The following UCN3 variants were observed in gnomAD, a reference collection of about 807,000 sequenced individuals.
The protein encoded by UCN3 is urocortin 3, also known as urocortin-3.
UCN3 carries 3 observed loss-of-function variants against 3.6 expected under a neutral mutation model. The observed-to-expected ratio is 0.83, with a 90% confidence interval of 0.38 to 2.15. The LOEUF (loss-of-function observed/expected upper bound fraction) is 2.15. UCN3 is among the 30% of genes most tolerant of loss of function. UCN3 has a pLI of 0.06. For synonymous variants in UCN3, 100 were observed against 93.2 expected, an observed-to-expected ratio of 1.07 and a Z score of -0.42; for missense variants, 206 against 208.3, an observed-to-expected ratio of 0.99 and a Z score of 0.07.
At chr10:5,370,812 T>TGTGC (rs1831398721) in intron 1 of UCN3, among the ~76,000 whole-genome samples, 2 of 116,334 alleles carry the variant, frequency 1.7e-5, no homozygotes, top group Admixed American at 9.6e-5. Flanking sequence ...TATGTGTGTG[T>TGTGC]GCGTGTGTGT....
At chr10:5,368,061 T>C (rs1306972805) in intron 1 of UCN3, among the ~76,000 whole-genome samples, 2 of 152,100 alleles carry the variant, frequency 1.3e-5, no homozygotes, top group East Asian at 3.9e-4. Context: ...TGGAGTGCAG[T>C]AGCATGATCT....
chr10:5,367,078 T>C lies in UCN3; in HGVS notation c.-7+1848T>C, dbSNP rs1236628637. ...CCCCAAAAATGTGAAAAAGTAAATATAGAGGTAAAAGGGATCTCACTCCCT... is the reference window on the plus strand; with the variant it reads ...CCCCAAAAATGTGAAAAAGTAAATACAGAGGTAAAAGGGATCTCACTCCCT... On this transcript the variant is annotated intron_variant, in intron 1 of 1. Transcript: ENST00000380433. This position sits in a 1 kb window ranked among gnomAD's most constrained non-coding sequence, Gnocchi z 4.3. Among the ~76,000 whole-genome samples, 11 of 152,160 alleles carry C rather than the reference T, an allele frequency of 7.2e-5. No individual in the cohort carries two copies. Among genetic ancestry groups the C allele is most frequent in the African/African-American group, 2.7e-4 (11 of 41,432 alleles).
Position 5,365,151 on chromosome 10 carries a change from G to C in UCN3, c.-86G>C, listed in dbSNP as rs1834103854. On this transcript the variant is annotated 5_prime_UTR_variant, in exon 1 of 2. Transcript: ENST00000380433. This position sits in a 1 kb window ranked among gnomAD's most constrained non-coding sequence, Gnocchi z 4.4. ...GGAGCAGCCACAAGTTCATGGGGACGTGCACGGGGCCGCCCTCCTGGCCCT... is the reference window on the plus strand; with the variant it reads ...GGAGCAGCCACAAGTTCATGGGGACCTGCACGGGGCCGCCCTCCTGGCCCT... 1 of 152,348 alleles carries C rather than the reference G, an allele frequency of 6.6e-6. No homozygotes were observed. The highest frequency in any genetic ancestry group is 1.5e-5 in the Non-Finnish European group (1 of 68,142). 9.4% of individuals were successfully genotyped at this position (152,348 alleles called of 1,614,324 possible).
At chr10:5,370,816 T>C (rs531792432) in intron 1 of UCN3, among the ~76,000 whole-genome samples, 2,022 of 101,552 alleles carry the variant, frequency 0.02, 307 homozygotes, top group African/African-American at 0.075. Flanking sequence ...TGTGTGTGCG[T>C]GTGTGTGCGC....
chr10:5,368,615 C>G (rs12358893), intron 1 of UCN3, among the ~76,000 whole-genome samples: 30,255 of 152,072 alleles, frequency 0.2, 3,502 homozygotes, highest in South Asian at 0.32. Flanking sequence ...CCACTTTCCC[C>G]CCAGTATTAA....
In UCN3 at chr10:5,370,903, A is replaced by G. The variant is rs200639261; in HGVS notation, c.-6-2812A>G. On this transcript the variant is annotated intron_variant, in intron 1 of 1. Coordinates refer to ENST00000380433, the MANE Select transcript of UCN3 (RefSeq NM_053049.4). Reference sequence around the variant, plus strand: ...TATATGCGTGTGTATATGCGTGTGTATATGCGTGTGTATATGCGTGTGTAT... The same window carrying G: ...TATATGCGTGTGTATATGCGTGTGTGTATGCGTGTGTATATGCGTGTGTAT... 5.2e-5 allele frequency among the ~76,000 whole-genome samples: 7 copies of G among 134,768 alleles called. 1 individual carries two copies. Among genetic ancestry groups the G allele is most frequent in the African/African-American group, 8.8e-5 (3 of 34,280 alleles). The allele number at this position is 134,768 out of a possible 152,430, so 88.4% of individuals were successfully genotyped here. A position where few individuals can be genotyped will look rare whatever the true frequency, so the allele number is the denominator to read the frequency against.
Position 5,369,929 on chromosome 10 carries a change from G to GTGTATA in UCN3, c.-6-3783_-6-3782insATATGT, listed in dbSNP as rs1564442104. ...TGTGTGTGTATATGTGTGTGTATGT[G>GTGTATA]TGTGTGTGTATGTGTGTGTATATGT... On this transcript the variant is annotated intron_variant, in intron 1 of 1. Coordinates refer to ENST00000380433, the MANE Select transcript of UCN3 (RefSeq NM_053049.4). Among the ~76,000 whole-genome samples, 9 of 87,956 alleles carry GTGTATA rather than the reference G, an allele frequency of 1.0e-4. 1 individual carries two copies. The highest frequency in any genetic ancestry group is 1.5e-4 in the Non-Finnish European group (6 of 40,804). The allele number at this position is 87,956 out of a possible 152,430, so 57.7% of individuals were successfully genotyped here.
chr10:5,370,910 TGTGTATATGC>T (rs1477887530), intron 1 of UCN3, among the ~76,000 whole-genome samples: 4 of 146,972 alleles, frequency 2.7e-5, no homozygotes, highest in African/African-American at 7.7e-5. Context: ...TGTATATGCG[TGTGTATATGC>T]GTGTGTATAT....
Position 5,366,719 on chromosome 10 carries a change from C to G in UCN3, c.-7+1489C>G, listed in dbSNP as rs1043883002. On this transcript the variant is annotated intron_variant, in intron 1 of 1. Transcript: ENST00000380433. The surrounding 1 kb of genome is among the most constrained non-coding windows in gnomAD (Gnocchi z 4.2). Reference sequence around the variant, plus strand: ...AACGATCTAAAACTAAGCTCAGCACCGGGCGTCCCTATCATGTCCAATTCA... The same window carrying G: ...AACGATCTAAAACTAAGCTCAGCACGGGGCGTCCCTATCATGTCCAATTCA... Among the ~76,000 whole-genome samples the G allele has an allele frequency of 1.3e-5, 2 of 152,166 alleles. No homozygotes were observed. Among genetic ancestry groups the G allele is most frequent in the African/African-American group, 2.4e-5 (1 of 41,438 alleles).
intron 1 of UCN3, among the ~76,000 whole-genome samples, chr10:5,372,355 C>T (rs80038202): frequency 0.016 from 2,433 of 152,208 alleles, 50 homozygotes; most frequent in East Asian, 0.088. Context: ...AGGAGCCCGG[C>T]GGGAGGGTGC....
intron 1 of UCN3, among the ~76,000 whole-genome samples, chr10:5,370,497 GTA>G (rs781846241): frequency 4.3e-5 from 5 of 115,664 alleles, no homozygotes; most frequent in Non-Finnish European, 5.4e-5. Context: ...GTATGTGTGT[GTA>G]TATGCGTGTG....
rs1554811071 is a variant in UCN3 at position 5,370,005 on chromosome 10, GTA to G, written c.-6-3708_-6-3707del. Among the ~76,000 whole-genome samples the G allele has an allele frequency of 9.8e-4, 31 of 31,642 alleles. 2 individuals are homozygous for G. Among genetic ancestry groups the G allele is most frequent in the Non-Finnish European group, 1.8e-3 (28 of 15,978 alleles). 20.8% of individuals were successfully genotyped at this position (31,642 alleles called of 152,430 possible). A position where few individuals can be genotyped will look rare whatever the true frequency, so the allele number is the denominator to read the frequency against. On this transcript the variant is annotated intron_variant, in intron 1 of 1. Transcript: ENST00000380433. Reference sequence around the variant, plus strand: ...TGTGTATATGTGTGTATGTGTGTGTGTATGTGTGTGTATATGTGTGTGTATAT... The same window carrying G: ...TGTGTATATGTGTGTATGTGTGTGTGTGTGTGTGTATATGTGTGTGTATAT...
At position 5,373,944 on chromosome 10, in the gene UCN3, G is replaced by A. The variant is rs1277710738; in HGVS notation, c.224G>A (p.Gly75Asp). 1 of 1,611,504 alleles carries A rather than the reference G, an allele frequency of 6.2e-7. No individual in the cohort carries two copies. Among genetic ancestry groups the A allele is most frequent in the African/African-American group, 1.3e-5 (1 of 74,816 alleles). The change falls in exon 2 of 2, where the codon GGC becomes GAC. Residue 75 changes from glycine (G) to aspartate (D), a missense_variant. Gly to Asp is a moderately conservative substitution (Grantham distance 94). Coordinates refer to ENST00000380433, the MANE Select transcript of UCN3 (RefSeq NM_053049.4). Reference sequence around the variant, plus strand: ...GCCTCTTCGGGAGAGGAGGAGGAGGGCAAAGAGAAAAAGACTTTCCCCATC... The same window carrying A: ...GCCTCTTCGGGAGAGGAGGAGGAGGACAAAGAGAAAAAGACTTTCCCCATC... Reference protein sequence around the residue: ...RDASSGEEEEGKEKKTFPISG... With the variant: ...RDASSGEEEEDKEKKTFPISG...
In UCN3 at chr10:5,370,034, CGT is replaced by C. The variant is rs1361985716; in HGVS notation, c.-6-3676_-6-3675del. Among the ~76,000 whole-genome samples, 12 of 15,008 alleles carry C rather than the reference CGT, an allele frequency of 8.0e-4. 1 individual carries two copies. The highest frequency in any genetic ancestry group is 1.6e-3 in the African/African-American group (5 of 3,222). 9.8% of individuals were successfully genotyped at this position (15,008 alleles called of 152,430 possible). On this transcript the variant is annotated intron_variant, in intron 1 of 1. Transcript: ENST00000380433. The stretch of plus-strand genomic sequence containing the variant: ...GTGTGTGTATATGTGTGTGTATATG[CGT>C]GTGTATATGCGTGTGTATGTGTGTG...
intron 1 of UCN3, among the ~76,000 whole-genome samples, chr10:5,370,131 ATGTGTGTG>A (rs202131919): frequency 2.6e-4 from 7 of 26,902 alleles, no homozygotes; most frequent in East Asian, 1.5e-3. Flanking sequence ...ATGTGTGTGT[ATGTGTGTG>A]TATGCGTGTG....
intron 1 of UCN3, among the ~76,000 whole-genome samples, chr10:5,369,292 C>T (rs1381977477): frequency 2.0e-5 from 3 of 152,174 alleles, no homozygotes; most frequent in Non-Finnish European, 4.4e-5. Flanking sequence ...GTAAAATGCA[C>T]TTCTGAAAAG....
chr10:5,370,903 A>ATGTGCGTGTG lies in UCN3; in HGVS notation c.-6-2811_-6-2810insGTGCGTGTGT. 1.5e-5 allele frequency among the ~76,000 whole-genome samples: 2 copies of ATGTGCGTGTG among 134,856 alleles called. 1 individual carries two copies. The highest frequency in any genetic ancestry group is 5.8e-5 in the African/African-American group (2 of 34,366). 88.5% of individuals were successfully genotyped at this position (134,856 alleles called of 152,430 possible). ...TATATGCGTGTGTATATGCGTGTGT[A>ATGTGCGTGTG]TATGCGTGTGTATATGCGTGTGTAT... On this transcript the variant is annotated intron_variant, in intron 1 of 1. Coordinates refer to ENST00000380433, the MANE Select transcript of UCN3 (RefSeq NM_053049.4).
chr10:5,374,194 G>A lies in UCN3; in HGVS notation c.474G>A (p.Gly158=). The A allele has an allele frequency of 6.3e-7, 1 of 1,584,212 alleles. No individual in the cohort carries two copies. ...ATGCCCACCTGATGGCGCAAATTGG[G>A]AGGAAGAAGTAGAGGCGGAGGCTGG... ...AANAHLMAQI[G]RKK Residue 158 remains glycine, a synonymous_variant, in exon 2 of 2, where the codon GGG becomes GGA. Transcript: ENST00000380433.
In UCN3 at chr10:5,373,962, T is replaced by C. The variant is rs1588403516; in HGVS notation, c.242T>C (p.Phe81Ser). 1 of 1,610,294 alleles carries C rather than the reference T, an allele frequency of 6.2e-7. No homozygotes were observed. Among genetic ancestry groups the C allele is most frequent in the Non-Finnish European group, 8.5e-7 (1 of 1,178,392 alleles). ...EEEEGKEKKT[F>S]PISGARGGAR... ...GAGGAGGGCAAAGAGAAAAAGACTT[T>C]CCCCATCTCTGGGGCCAGGGGTGGA... is the stretch of plus-strand genomic sequence containing the variant. Residue 81 changes from phenylalanine (F) to serine (S), a missense_variant, in exon 2 of 2, where the codon TTC (phenylalanine) becomes TCC (serine). Coordinates refer to ENST00000380433, the MANE Select transcript of UCN3 (RefSeq NM_053049.4).
Sources: allele counts gnomAD v4.1 joint callset (sites outside exome capture counted in the v4.1 genomes callset), GRCh38; gene constraint gnomAD v4.1.1; non-coding constraint Gnocchi (gnomAD v3.1); transcripts MANE v1.5; gene names NCBI Gene and HGNC (gene_info 2026-07-23, HGNC 2026-07-21).